The following USPL1 variants were observed in gnomAD, a reference collection of about 807,000 sequenced individuals.
USPL1 encodes the protein ubiquitin specific peptidase like 1.
In USPL1, 27 loss-of-function variants were observed where a neutral mutation model predicts 51.5. The ratio of observed to expected loss-of-function variants is 0.52; its 90% CI spans 0.39 to 0.72. USPL1 has a LOEUF of 0.72. USPL1 is among the 30% of genes least tolerant of loss of function. USPL1 has a pLI of 0.00. For synonymous variants in USPL1, 451 were observed against 459.6 expected, an observed-to-expected ratio of 0.98 and a Z score of 0.24; for missense variants, 1,226 against 1,268.0, an observed-to-expected ratio of 0.97 and a Z score of 0.50.
At chr13:30,628,026 A>G (rs934115034) in intron 3 of USPL1, among the ~76,000 whole-genome samples, 8 of 145,456 alleles carry the variant, frequency 5.5e-5, no homozygotes, top group African/African-American at 1.8e-4. Context: ...ACAGGGGTGC[A>G]CCACCATGCC....
In USPL1 at chr13:30,631,484, A is replaced by G. The variant is rs1950805312; in HGVS notation, c.868+10A>G. 6.3e-7 allele frequency: 1 copy of G among 1,588,362 alleles called. No individual in the cohort carries two copies. The highest frequency in any genetic ancestry group is 8.6e-7 in the Non-Finnish European group (1 of 1,169,530). ...TTGAGTGGTGTTAAAGGTTGGTACTAATATTTTATTTTTATTTACTTATTT... is the reference window on the plus strand; with the variant it reads ...TTGAGTGGTGTTAAAGGTTGGTACTGATATTTTATTTTTATTTACTTATTT... On this transcript the variant is annotated intron_variant, in intron 4 of 8. Transcript: ENST00000255304.
chr13:30,645,765 C>T (rs1180903102), intron 6 of USPL1, among the ~76,000 whole-genome samples: 3 of 152,294 alleles, frequency 2.0e-5, no homozygotes, highest in East Asian at 3.9e-4. Context: ...AGGCAGATCT[C>T]AGGTCTGTTA....
chr13:30,655,277 A>G (rs1951146855), intron 8 of USPL1, among the ~76,000 whole-genome samples: 1 of 151,864 alleles, frequency 6.6e-6, no homozygotes, highest in African/African-American at 2.4e-5. Flanking sequence ...TGGTCTGTAA[A>G]TTTTTCTTTT....
intron 7 of USPL1, among the ~76,000 whole-genome samples, chr13:30,649,364 G>C (rs1951058361): frequency 6.6e-6 from 1 of 151,968 alleles, no homozygotes; most frequent in Non-Finnish European, 1.5e-5. Flanking sequence ...ATAGTTTTTA[G>C]GGCTAACCTA....
At chr13:30,625,606 C>T (rs1205625707) in intron 3 of USPL1, among the ~76,000 whole-genome samples, 2 of 151,782 alleles carry the variant, frequency 1.3e-5, no homozygotes, top group African/African-American at 2.4e-5. Flanking sequence ...CCACCCAGCC[C>T]AGCTAATTTT....
chr13:30,653,368 G>A, intron 8 of USPL1, 63 bp downstream of exon 8: 3 of 1,435,466 alleles, frequency 2.1e-6, no homozygotes, highest in South Asian at 1.5e-5. Flanking sequence ...AGCATGTGGG[G>A]ACTTTTTGGT....
Position 30,658,658 on chromosome 13 carries a change from GCTCAA to G in USPL1, c.2588_2592del (p.Leu863ProfsTer14), listed in dbSNP as rs1951207687. On this transcript the variant is annotated frameshift_variant, in exon 9 of 9. Transcript: ENST00000255304. LOFTEE classifies it low-confidence loss of function (END_TRUNC). Reference sequence around the variant, plus strand: ...AAAGTCTGGAAGCACCTCATGTGGAGCTCAACTCAACCACAGTTCTTATGGGAATG... The same window carrying G: ...AAAGTCTGGAAGCACCTCATGTGGAGCTCAACCACAGTTCTTATGGGAATG... 3 of 1,614,232 alleles carry G rather than the reference GCTCAA, an allele frequency of 1.9e-6. No individual in the cohort carries two copies. The highest frequency in any genetic ancestry group is 2.5e-6 in the Non-Finnish European group (3 of 1,180,042).
In USPL1 at chr13:30,621,056, T is replaced by C. The variant is rs1470297077; in HGVS notation, c.-68-17T>C. 2.7e-6 allele frequency: 3 copies of C among 1,095,028 alleles called. No homozygotes were observed. Among genetic ancestry groups the C allele is most frequent in the Non-Finnish European group, 4.0e-6 (3 of 742,546 alleles). The allele number at this position is 1,095,028 out of a possible 1,614,324, so 67.8% of individuals were successfully genotyped here. A position where few individuals can be genotyped will look rare whatever the true frequency, so the allele number is the denominator to read the frequency against. ...ATAGAATTTTTATTTAATTGTCTAT[T>C]GACTTTTTTTTTCCAGGGTTCATTG... On this transcript the variant is annotated splice_polypyrimidine_tract_variant and intron_variant, in intron 1 of 8. Transcript: ENST00000255304.
In USPL1 at chr13:30,631,039, G is replaced by A. The variant is rs147905784; in HGVS notation, c.433G>A (p.Val145Ile). Residue 145 changes from valine to isoleucine, a missense_variant, in exon 4 of 9, where the codon GTA becomes ATA. Val to Ile is a conservative substitution (Grantham distance 29). Transcript: ENST00000255304. ...TTTGAACAGCAAACATAATGGAGAAGTATATGACGAAACCTCGTCAAACTT... is the reference window on the plus strand; with the variant it reads ...TTTGAACAGCAAACATAATGGAGAAATATATGACGAAACCTCGTCAAACTT... The part of the protein sequence containing the change: ...KVLNSKHNGE[V>I]YDETSSNLPD... 1.8e-5 allele frequency: 29 copies of A among 1,614,116 alleles called. No homozygotes were observed. In the African/African-American group the frequency reaches 2.9e-4, roughly 16 times the overall value.
In USPL1 at chr13:30,660,422, T is replaced by A. The variant is rs566600816; in HGVS notation, c.*1066T>A. On this transcript the variant is annotated 3_prime_UTR_variant, in exon 9 of 9. Transcript: ENST00000255304. ...CCAAAAGTGCAGGGATGCCTGAGTC[T>A]GCACCCGCACCCAGGAGGGTGGAGA... 2 of 152,404 alleles carry A rather than the reference T, an allele frequency of 1.3e-5. No homozygotes were observed. The highest frequency in any genetic ancestry group is 3.9e-4 in the East Asian group (2 of 5,188). 9.4% of individuals were successfully genotyped at this position (152,404 alleles called of 1,614,324 possible).
At chr13:30,622,946 G>C (rs1242121112) in intron 3 of USPL1, among the ~76,000 whole-genome samples, 1 of 152,040 alleles carries the variant, frequency 6.6e-6, no homozygotes, top group East Asian at 1.9e-4. Flanking sequence ...CAGATACAAT[G>C]TTAGGATACA....
At chr13:30,646,098 T>G (rs1042021672) in intron 6 of USPL1, among the ~76,000 whole-genome samples, 1 of 152,268 alleles carries the variant, frequency 6.6e-6, no homozygotes, top group Non-Finnish European at 1.5e-5. Context: ...ACTGATGTTT[T>G]TAACAGACAG....
intron 3 of USPL1, among the ~76,000 whole-genome samples, chr13:30,626,042 C>A (rs1306592687): frequency 6.6e-6 from 1 of 152,102 alleles, no homozygotes; most frequent in African/African-American, 2.4e-5. Context: ...GGGCCAGGTG[C>A]AGTGTTTCAC....
intron 6 of USPL1, among the ~76,000 whole-genome samples, chr13:30,644,405 A>G (rs369442265): frequency 2.4e-4 from 27 of 111,502 alleles, no homozygotes; most frequent in African/African-American, 1.4e-3. Flanking sequence ...TGCAGGCAAC[A>G]AAGGTTTTGT....
At chr13:30,656,914 C>T (rs17074812) in intron 8 of USPL1, among the ~76,000 whole-genome samples, 2,052 of 150,196 alleles carry the variant, frequency 0.014, 34 homozygotes, top group Admixed American at 0.055. Flanking sequence ...AGGTTACCTT[C>T]TTACTCCTCA....
In USPL1 at chr13:30,638,283, C is replaced by T. The variant is rs1950902449; in HGVS notation, c.982+426C>T. 3.9e-5 allele frequency among the ~76,000 whole-genome samples: 6 copies of T among 152,096 alleles called. No homozygotes were observed. In the South Asian group the frequency reaches 1.0e-3, roughly 26 times the overall value. Reference sequence around the variant, plus strand: ...AGGAAATCAGTAATTTTTAGAAACCCCACATGATTGTTATATGTACCCAGG... The same window carrying T: ...AGGAAATCAGTAATTTTTAGAAACCTCACATGATTGTTATATGTACCCAGG... On this transcript the variant is annotated intron_variant, in intron 5 of 8. Transcript: ENST00000255304.
rs1444595665 is a variant in USPL1 at position 30,657,996 on chromosome 13, G to A, written c.1919G>A (p.Cys640Tyr). 6.2e-7 allele frequency: 1 copy of A among 1,613,332 alleles called. No individual in the cohort carries two copies. The highest frequency in any genetic ancestry group is 8.5e-7 in the Non-Finnish European group (1 of 1,180,012). ...ATGGCTTCTTCAGTATCAGCTCCATGTAATGAAAAGCTTATTCAAGACCAA... is the reference window on the plus strand; with the variant it reads ...ATGGCTTCTTCAGTATCAGCTCCATATAATGAAAAGCTTATTCAAGACCAA... ...SLMASSVSAP[C>Y]NEKLIQDQFV... is the part of the protein sequence containing the mutation. The change falls in exon 9 of 9, where the codon TGT (cysteine) becomes TAT (tyrosine). Residue 640 changes from cysteine to tyrosine, a missense_variant. Physicochemically the swap from Cys to Tyr is radical, Grantham distance 194. Transcript: ENST00000255304.
chr13:30,657,726 C>T lies in USPL1; in HGVS notation c.1649C>T (p.Pro550Leu). The change falls in exon 9 of 9, where the codon CCT becomes CTT. Residue 550 changes from proline (P) to leucine (L), a missense_variant. Coordinates refer to ENST00000255304, the MANE Select transcript of USPL1 (RefSeq NM_005800.5). ...GCTGAAACAGCCTCAGTAACTCACC[C>T]TAAAGATATATCAGTTGCCCCTCGT... ...ASAETASVTH[P>L]KDISVAPRTL... 6.2e-7 allele frequency: 1 copy of T among 1,614,172 alleles called. No homozygotes were observed.
At chr13:30,652,770 A>G (rs1352986652) in intron 7 of USPL1, among the ~76,000 whole-genome samples, 2 of 152,232 alleles carry the variant, frequency 1.3e-5, no homozygotes, top group Non-Finnish European at 2.9e-5. Context: ...AATTAATCTC[A>G]GCACTTGATG....
Sources: allele counts gnomAD v4.1 joint callset (sites outside exome capture counted in the v4.1 genomes callset), GRCh38; gene constraint gnomAD v4.1.1; transcripts MANE v1.5; gene names NCBI Gene and HGNC (gene_info 2026-07-23, HGNC 2026-07-21).